CACNA1E: variants seen among roughly 807,000 people sequenced by gnomAD.
CACNA1E encodes voltage-dependent R-type calcium channel subunit alpha-1E.
CACNA1E carries 40 observed loss-of-function variants against 259.2 expected under a neutral mutation model. That is an observed-to-expected ratio of 0.15 (90% CI 0.12 to 0.20). The LOEUF is 0.20. Ranked by LOEUF, CACNA1E falls within the 10% of genes least tolerant of loss-of-function variation. CACNA1E has a pLI of 1.00. For synonymous variants in CACNA1E, 1,104 were observed against 1,138.5 expected, an observed-to-expected ratio of 0.97 and a Z score of 0.61; for missense variants, 1,874 against 3,040.1, an observed-to-expected ratio of 0.62 and a Z score of 9.02.
At chr1:181,725,918 A>G in intron 17 of CACNA1E, 147 bp from the exon 18 acceptor site, 2 of 571,996 alleles carry the variant, frequency 3.5e-6, no homozygotes, top group Non-Finnish European at 6.3e-6. Flanking sequence ...CTCTGAGCCA[A>G]CCTAACATCT....
intron 3 of CACNA1E, among the ~76,000 whole-genome samples, chr1:181,572,310 G>C (rs1650497744): frequency 6.6e-6 from 1 of 152,344 alleles, no homozygotes; most frequent in Middle Eastern, 3.4e-3. Flanking sequence ...CTGTTCTGCT[G>C]TGCCACTGTG....
chr1:181,439,757 C>G (rs1660333455), intron 2 of CACNA1E, among the ~76,000 whole-genome samples: 1 of 152,182 alleles, frequency 6.6e-6, no homozygotes, highest in African/African-American at 2.4e-5. Context: ...CATATGGTCA[C>G]AGGTATAAAA....
At chr1:181,588,629 A>G (rs78031703) in intron 6 of CACNA1E, among the ~76,000 whole-genome samples, 4,526 of 152,206 alleles carry the variant, frequency 0.03, 101 homozygotes, top group Non-Finnish European at 0.048. Context: ...CCTGAATTTC[A>G]CACCACGAAC....
chr1:181,650,997 A>C (rs1658705887), intron 6 of CACNA1E, among the ~76,000 whole-genome samples: 1 of 152,234 alleles, frequency 6.6e-6, no homozygotes, highest in Admixed American at 6.5e-5. Context: ...TTGTGTGCAG[A>C]GGCTTAGAAC....
At chr1:181,672,234 GA>G (rs1215147283) in intron 7 of CACNA1E, among the ~76,000 whole-genome samples, 1 of 152,192 alleles carries the variant, frequency 6.6e-6, no homozygotes. Context: ...GGGTCTACTT[GA>G]GTGTGGAGGG....
chr1:181,451,246 G>T (rs761237191), intron 2 of CACNA1E, among the ~76,000 whole-genome samples: 19 of 152,208 alleles, frequency 1.2e-4, no homozygotes, highest in Non-Finnish European at 1.8e-4. Flanking sequence ...CAGTTACTGT[G>T]TGACATAGCA....
intron 2 of CACNA1E, among the ~76,000 whole-genome samples, chr1:181,451,236 C>T (rs1661134206): frequency 6.6e-6 from 1 of 152,220 alleles, no homozygotes. Flanking sequence ...AGAAATGGAA[C>T]AGTTACTGTG....
At chr1:181,562,721 C>T (rs1377431549) in intron 3 of CACNA1E, among the ~76,000 whole-genome samples, 1 of 152,156 alleles carries the variant, frequency 6.6e-6, no homozygotes, top group African/African-American at 2.4e-5. Context: ...GCAGACATCT[C>T]TCTGTTGTTC....
rs142221668 is a variant in CACNA1E at position 181,327,886 on chromosome 1, C to G, written c.-15+9763C>G. 2.7e-3 allele frequency among the ~76,000 whole-genome samples: 417 copies of G among 152,292 alleles called. 4 individuals carry two copies. Among genetic ancestry groups the G allele is most frequent in the African/African-American group, 9.0e-3 (376 of 41,556 alleles). On this transcript the variant is annotated intron_variant, in intron 1 of 11. Transcript: ENST00000524607. ...TGGGTTGGCTGGTGGTTCCTTTGTCCTAGGCTGGCCTGGCTGGAGTTGGAT... is the reference window on the plus strand; with the variant it reads ...TGGGTTGGCTGGTGGTTCCTTTGTCGTAGGCTGGCCTGGCTGGAGTTGGAT...
chr1:181,392,961 AG>A (rs540825343), intron 1 of CACNA1E, among the ~76,000 whole-genome samples: 36 of 152,364 alleles, frequency 2.4e-4, no homozygotes, highest in African/African-American at 7.7e-4. Flanking sequence ...CTGGTTCTTC[AG>A]GGAGGTAAGA....
At chr1:181,781,573 A>G in intron 39 of CACNA1E, 50 bp downstream of exon 39, 1 of 980,288 alleles carries the variant, frequency 1.0e-6, no homozygotes, top group Non-Finnish European at 1.6e-6. Context: ...AGGAAATGGG[A>G]TCTAGTTGTG....
Position 181,732,263 on chromosome 1 carries a change from G to A in CACNA1E, c.2298-121G>A. On this transcript the variant is annotated intron_variant, in intron 19 of 47. Transcript: ENST00000367573. The surrounding 1 kb of genome is among the most constrained non-coding windows in gnomAD (Gnocchi z 5.5). Reference sequence around the variant, plus strand: ...ATCTTTCTGTGCTTCCTGTCTGCAGGTCCTGGGCACTCCCATTTGCCCCCA... The same window carrying A: ...ATCTTTCTGTGCTTCCTGTCTGCAGATCCTGGGCACTCCCATTTGCCCCCA... 2 of 1,379,064 alleles carry A rather than the reference G, an allele frequency of 1.5e-6. No homozygotes were observed. Among genetic ancestry groups the A allele is most frequent in the South Asian group, 1.7e-5 (1 of 59,666 alleles). The allele number at this position is 1,379,064 out of a possible 1,614,324, so 85.4% of individuals were successfully genotyped here.
chr1:181,431,664 G>A (rs1187608363), intron 2 of CACNA1E, among the ~76,000 whole-genome samples: 1 of 152,206 alleles, frequency 6.6e-6, no homozygotes, highest in Admixed American at 6.5e-5. Context: ...TTGGTTTCAG[G>A]AAGGTCTCTG....
At chr1:181,365,547 G>A (rs2101934412) in intron 1 of CACNA1E, among the ~76,000 whole-genome samples, 1 of 152,376 alleles carries the variant, frequency 6.6e-6, no homozygotes, top group African/African-American at 2.4e-5. Flanking sequence ...GGCAGCTGCA[G>A]CCTATTGGCT....
intron 1 of CACNA1E, among the ~76,000 whole-genome samples, chr1:181,498,931 A>C (rs1016766601): frequency 2.0e-5 from 3 of 152,196 alleles, no homozygotes; most frequent in African/African-American, 7.2e-5. Flanking sequence ...GATCATGACT[A>C]ATAAGAAAGG....
intron 6 of CACNA1E, among the ~76,000 whole-genome samples, chr1:181,595,032 G>A (rs945010010): frequency 3.9e-5 from 6 of 152,188 alleles, no homozygotes; most frequent in Non-Finnish European, 5.9e-5. Context: ...TCCCTCAGAA[G>A]AAAGGTAGAA....
intron 3 of CACNA1E, among the ~76,000 whole-genome samples, chr1:181,545,243 T>G (rs996176469): frequency 6.6e-6 from 1 of 152,106 alleles, no homozygotes; most frequent in African/African-American, 2.4e-5. Context: ...AATGTCTAGG[T>G]TTTTTAAAAC....
rs1471185817 is a variant in CACNA1E at position 181,724,456 on chromosome 1, A to G, written c.2075-14A>G. On this transcript the variant is annotated splice_polypyrimidine_tract_variant and intron_variant, in intron 16 of 47. Coordinates refer to ENST00000367573, the MANE Select transcript of CACNA1E (RefSeq NM_001205293.3). The stretch of plus-strand genomic sequence containing the variant: ...TGCTTTTCTTATTTGCCCATCCTTA[A>G]TTCATCACCCCAGACACGCTACTGA... 4.3e-6 allele frequency: 7 copies of G among 1,611,672 alleles called. No homozygotes were observed. Among genetic ancestry groups the G allele is most frequent in the Non-Finnish European group, 5.9e-6 (7 of 1,178,600 alleles).
intron 6 of CACNA1E, among the ~76,000 whole-genome samples, chr1:181,633,707 G>A (rs1027447984): frequency 1.3e-5 from 2 of 152,124 alleles, no homozygotes; most frequent in African/African-American, 4.8e-5. Flanking sequence ...GGCCATACTG[G>A]TTTTGAAATC....
Sources: allele counts gnomAD v4.1 joint callset (sites outside exome capture counted in the v4.1 genomes callset), GRCh38; gene constraint gnomAD v4.1.1; non-coding constraint Gnocchi (gnomAD v3.1); transcripts MANE v1.5; gene names NCBI Gene and HGNC (gene_info 2026-07-23, HGNC 2026-07-21).